Variants in CEP112 observed in about 807,000 individuals in gnomAD.
CEP112 encodes centrosomal protein 112.
Under a neutral mutation model 153.0 loss-of-function variants are expected in CEP112, and 127 were observed. That is an observed-to-expected ratio of 0.83 (90% confidence interval 0.72 to 0.96). The LOEUF is 0.96. CEP112 is among the 40% of genes least tolerant of loss of function. The pLI is 0.00. For missense variants in CEP112, 1,089 were observed against 1,101.2 expected (o/e 0.99, Z 0.16); for synonymous variants, 358 against 374.4 (o/e 0.96, Z 0.51).
chr17:65,837,517 C>T (rs531241877), intron 21 of CEP112, among the ~76,000 whole-genome samples: 130 of 151,972 alleles, frequency 8.6e-4, no homozygotes, highest in African/African-American at 2.9e-3. Flanking sequence ...AGGTGAGGAG[C>T]GTCTCTGACC....
At chr17:65,990,316 T>C (rs1428746747) in intron 17 of CEP112, among the ~76,000 whole-genome samples, 2 of 152,126 alleles carry the variant, frequency 1.3e-5, no homozygotes, top group Admixed American at 1.3e-4. Context: ...AAAAGAACCA[T>C]CACAGGAACC....
chr17:65,916,900 T>G (rs1413910417), intron 19 of CEP112, among the ~76,000 whole-genome samples: 1 of 151,896 alleles, frequency 6.6e-6, no homozygotes, highest in African/African-American at 2.4e-5. Flanking sequence ...TGTTTTAACC[T>G]AGATGAGAAC....
At chr17:65,849,645 T>A (rs1259152937) in intron 21 of CEP112, among the ~76,000 whole-genome samples, 2 of 152,228 alleles carry the variant, frequency 1.3e-5, no homozygotes, top group Non-Finnish European at 2.9e-5. Flanking sequence ...ATGTCTGACT[T>A]TGGCATATCC....
chr17:65,827,432 A>G (rs1056763018), intron 21 of CEP112, among the ~76,000 whole-genome samples: 1 of 152,130 alleles, frequency 6.6e-6, no homozygotes, highest in Non-Finnish European at 1.5e-5. Flanking sequence ...CTCTTACTTA[A>G]AGTATATTTT....
chr17:65,715,478 T>G (rs1419747781), intron 23 of CEP112, among the ~76,000 whole-genome samples: 1 of 151,196 alleles, frequency 6.6e-6, no homozygotes, highest in Non-Finnish European at 1.5e-5. Context: ...TTAGACGGAG[T>G]CTTGCTCCGT....
chr17:65,810,064 T>G (rs1351879868), intron 21 of CEP112, among the ~76,000 whole-genome samples: 1 of 152,240 alleles, frequency 6.6e-6, no homozygotes, highest in East Asian at 1.9e-4. Context: ...CAGAGATCAC[T>G]TGTTGATTGG....
At chr17:66,070,162 T>C (rs755675113) in intron 8 of CEP112, among the ~76,000 whole-genome samples, 161 bp from the exon 9 acceptor site, 1 of 152,188 alleles carries the variant, frequency 6.6e-6, no homozygotes, top group Non-Finnish European at 1.5e-5. Flanking sequence ...TACCAATATG[T>C]TTATTTCAGT....
chr17:66,172,012 A>G (rs2072262507), intron 4 of CEP112, among the ~76,000 whole-genome samples: 2 of 152,288 alleles, frequency 1.3e-5, no homozygotes, highest in African/African-American at 4.8e-5. Flanking sequence ...TGAAATGTTA[A>G]AAAGAAAAAA....
intron 22 of CEP112, 75 bp from the exon 23 acceptor site, chr17:65,743,292 A>G: frequency 8.6e-7 from 1 of 1,168,552 alleles, no homozygotes; most frequent in Non-Finnish European, 1.2e-6. Context: ...TTGATGCTTA[A>G]CAAAAGAATG....
chr17:65,649,075 C>CAA (rs753367435), intron 24 of CEP112, among the ~76,000 whole-genome samples: 4,650 of 93,740 alleles, frequency 0.05, 172 homozygotes, highest in African/African-American at 0.11. Context: ...AACAAACAAA[C>CAA]ACACACACAC....
At chr17:66,063,252 C>G (rs949697092) in intron 10 of CEP112, among the ~76,000 whole-genome samples, 171 bp from the exon 11 acceptor site, 4 of 152,176 alleles carry the variant, frequency 2.6e-5, no homozygotes, top group African/African-American at 9.6e-5. Flanking sequence ...TCTACCACCA[C>G]AGACAGCCTT....
intron 18 of CEP112, among the ~76,000 whole-genome samples, chr17:65,938,173 T>C (rs542635638): frequency 7.5e-6 from 1 of 133,232 alleles, no homozygotes; most frequent in African/African-American, 2.7e-5. Flanking sequence ...TTAAATGGAT[T>C]AAGGGCGGGG....
At chr17:65,943,973 C>T (rs1050131100) in intron 18 of CEP112, among the ~76,000 whole-genome samples, 1 of 152,126 alleles carries the variant, frequency 6.6e-6, no homozygotes, top group African/African-American at 2.4e-5. Context: ...AAATTATTTT[C>T]CCTGGTCTAC....
At chr17:65,708,526 C>T (rs1044036641) in intron 23 of CEP112, among the ~76,000 whole-genome samples, 1 of 152,116 alleles carries the variant, frequency 6.6e-6, no homozygotes, top group Non-Finnish European at 1.5e-5. Flanking sequence ...GGCACGTTGG[C>T]TCTGTAGGAC....
At chr17:65,729,479 T>C (rs1048612544) in intron 23 of CEP112, among the ~76,000 whole-genome samples, 6 of 152,146 alleles carry the variant, frequency 3.9e-5, no homozygotes, top group South Asian at 2.1e-4. Context: ...AAATTGATCA[T>C]TCAGTAATTT....
At chr17:66,047,928 A>G (rs2066280103) in intron 12 of CEP112, among the ~76,000 whole-genome samples, 2 of 152,172 alleles carry the variant, frequency 1.3e-5, no homozygotes, top group South Asian at 4.1e-4. Flanking sequence ...AGAGATGCTC[A>G]AGTCCCTTAT....
chr17:65,927,662 T>A lies in CEP112; in HGVS notation c.1900A>T (p.Arg634Ter). Residue 634 changes from arginine (R) to a stop codon, truncating the protein, a stop_gained, in exon 19 of 27, where the codon AGA (arginine) becomes TGA (stop). Coordinates refer to ENST00000535342, the MANE Select transcript of CEP112 (RefSeq NM_001199165.4). LOFTEE classifies it high-confidence loss of function. ...QMEKVEADLT[R>*]SKSLREKQSK... The stretch of plus-strand genomic sequence containing the variant: ...TGTTTCTCACGAAGAGATTTGGATC[T>A]AGTTAGATCTGCCTCCACTTTTTCC... 1.3e-6 allele frequency: 2 copies of A among 1,583,978 alleles called. No homozygotes were observed. The highest frequency in any genetic ancestry group is 1.7e-6 in the Non-Finnish European group (2 of 1,169,990).
chr17:65,792,241 A>G (rs1050861541), intron 21 of CEP112, among the ~76,000 whole-genome samples: 7 of 152,246 alleles, frequency 4.6e-5, no homozygotes, highest in African/African-American at 1.7e-4. Flanking sequence ...AGCAGCTGAC[A>G]GAACTTAATA....
At chr17:66,046,244 G>A (rs571426833) in intron 12 of CEP112, among the ~76,000 whole-genome samples, 12 of 152,106 alleles carry the variant, frequency 7.9e-5, no homozygotes, top group African/African-American at 2.7e-4. Context: ...GGGTTTCACT[G>A]TATTAGCCAG....
Sources: gnomAD v4.1 joint callset for allele counts (sites outside exome capture counted in the v4.1 genomes callset) on GRCh38, gnomAD v4.1.1 for gene constraint, MANE v1.5 for transcripts, NCBI Gene and HGNC (gene_info 2026-07-23, HGNC 2026-07-21) for gene names.